The following SLIT3 variants were observed in gnomAD, a reference collection of about 807,000 sequenced individuals.
SLIT3 encodes slit guidance ligand 3, also known as slit homolog 3 protein.
A neutral mutation model predicts 184.0 loss-of-function variants in SLIT3; 68 were observed. The ratio of observed to expected loss-of-function variants is 0.37; its 90% CI spans 0.30 to 0.45. The LOEUF (loss-of-function observed/expected upper bound fraction) is 0.45. Ranked by LOEUF, SLIT3 falls within the 20% of genes least tolerant of loss-of-function variation. The probability of loss-of-function intolerance (pLI) is 1.00; values close to 1 mark genes in which losing one functional copy is unlikely to be tolerated. For synonymous variants in SLIT3, 831 were observed against 828.6 expected, an observed-to-expected ratio of 1.00 and a Z score of -0.05; for missense variants, 1,707 against 2,026.0, an observed-to-expected ratio of 0.84 and a Z score of 3.02.
At chr5:168,920,421 C>T (rs1761597551) in intron 4 of SLIT3, among the ~76,000 whole-genome samples, 2 of 152,136 alleles carry the variant, frequency 1.3e-5, no homozygotes. Flanking sequence ...GCCACACACA[C>T]CTGGGCTAAT....
chr5:169,187,711 G>A (rs542513333), intron 4 of SLIT3, among the ~76,000 whole-genome samples: 6 of 151,614 alleles, frequency 4.0e-5, no homozygotes, highest in African/African-American at 7.3e-5. Context: ...GCACCACCAC[G>A]CCCAGCTAAT....
chr5:169,259,830 G>A (rs1415129179), intron 1 of SLIT3, among the ~76,000 whole-genome samples: 1 of 150,860 alleles, frequency 6.6e-6, no homozygotes, highest in South Asian at 2.1e-4. Flanking sequence ...AATATAGCTT[G>A]GTCCTTGTTT....
At chr5:168,742,180 G>A (rs1001337076) in intron 20 of SLIT3, among the ~76,000 whole-genome samples, 7 of 131,986 alleles carry the variant, frequency 5.3e-5, no homozygotes, top group Non-Finnish European at 9.5e-5. Flanking sequence ...GGGGGCAGGA[G>A]TGGGAAGAGA....
At chr5:169,186,532 C>G (rs1314917708) in intron 4 of SLIT3, among the ~76,000 whole-genome samples, 1 of 152,126 alleles carries the variant, frequency 6.6e-6, no homozygotes, top group Non-Finnish European at 1.5e-5. Context: ...CTAACCAACA[C>G]AAGACTGAAA....
At chr5:169,238,076 T>C (rs1765263125) in intron 3 of SLIT3, among the ~76,000 whole-genome samples, 1 of 152,218 alleles carries the variant, frequency 6.6e-6, no homozygotes. Flanking sequence ...TGTGTGTGTC[T>C]ATTTTTTCAC....
chr5:168,672,930 C>T (rs10064825), intron 33 of SLIT3, among the ~76,000 whole-genome samples: 5,776 of 152,268 alleles, frequency 0.038, 369 homozygotes, highest in African/African-American at 0.13. Context: ...CCTGCCTCCC[C>T]CTTCTCACCC....
chr5:168,900,537 C>T (rs1300348320), intron 4 of SLIT3, among the ~76,000 whole-genome samples: 1 of 152,150 alleles, frequency 6.6e-6, no homozygotes, highest in Non-Finnish European at 1.5e-5. Context: ...ATTGCTTGAA[C>T]CTGGGAGGCG....
At chr5:169,151,881 C>T (rs1220575370) in intron 4 of SLIT3, among the ~76,000 whole-genome samples, 1 of 152,202 alleles carries the variant, frequency 6.6e-6, no homozygotes, top group Non-Finnish European at 1.5e-5. Flanking sequence ...CTGCCTCTTA[C>T]AAGCTGAGCA....
chr5:168,997,006 G>T, intron 4 of SLIT3, among the ~76,000 whole-genome samples: 1 of 152,156 alleles, frequency 6.6e-6, no homozygotes, highest in East Asian at 1.9e-4. Flanking sequence ...CCTCACAGCT[G>T]TCAGGCCGGG....
At chr5:168,868,896 C>G (rs1759411063) in intron 5 of SLIT3, among the ~76,000 whole-genome samples, 1 of 152,038 alleles carries the variant, frequency 6.6e-6, no homozygotes, top group East Asian at 1.9e-4. Context: ...GCTAGCAAAA[C>G]AGAAAGAGAA....
chr5:168,863,774 CAT>C (rs1244293315), intron 5 of SLIT3, among the ~76,000 whole-genome samples: 3 of 152,140 alleles, frequency 2.0e-5, no homozygotes, highest in Admixed American at 1.3e-4. Flanking sequence ...AATATATGCA[CAT>C]GACAAAAGAA....
intron 4 of SLIT3, among the ~76,000 whole-genome samples, chr5:169,025,789 C>A (rs1385571351): frequency 2.0e-5 from 3 of 152,158 alleles, no homozygotes; most frequent in African/African-American, 7.2e-5. Flanking sequence ...AAAAAAAAGT[C>A]TAAATCTAAA....
rs1464224355 is a variant in SLIT3 at position 168,753,738 on chromosome 5, G to C, written c.1829+126C>G. 14 of 1,141,286 alleles carry C rather than the reference G, an allele frequency of 1.2e-5. No homozygotes were observed. The East Asian group carries it at 3.3e-4, about 27-fold the overall frequency. The allele number at this position is 1,141,286 out of a possible 1,614,324, so 70.7% of individuals were successfully genotyped here. On this transcript the variant is annotated intron_variant, in intron 17 of 35. Transcript: ENST00000519560. The stretch of plus-strand genomic sequence containing the variant: ...AGAATGTCTGATGACTCTGACTCCA[G>C]GAAGAGAGGGATTCAGCAGGCCAAG...
chr5:169,163,858 T>TA (rs781213561), intron 4 of SLIT3, among the ~76,000 whole-genome samples: 5 of 152,178 alleles, frequency 3.3e-5, no homozygotes, highest in Admixed American at 6.5e-5. Context: ...AGTTTTTCTA[T>TA]AAAACTCACC....
intron 3 of SLIT3, among the ~76,000 whole-genome samples, chr5:169,224,380 T>G (rs964376114): frequency 3.7e-4 from 38 of 102,598 alleles, no homozygotes; most frequent in Non-Finnish European, 7.1e-4. Context: ...TTTATTTATT[T>G]ATTTATTTTT....
Position 168,932,347 on chromosome 5 carries a change from GACACACACACACACACAC to G in SLIT3, c.414-49029_414-49012del, listed in dbSNP as rs375350401. On this transcript the variant is annotated intron_variant, in intron 4 of 35. Coordinates refer to ENST00000519560, the MANE Select transcript of SLIT3 (RefSeq NM_003062.4). ...AAGAGGAAAGGGAAGAGGGGAAAAA[GACACACACACACACACAC>G]ACACACACACACACACACACACACA... is the stretch of plus-strand genomic sequence containing the variant. 6.9e-4 allele frequency among the ~76,000 whole-genome samples: 90 copies of G among 131,148 alleles called. 2 individuals are homozygous for G. The highest frequency in any genetic ancestry group is 4.2e-4 in the African/African-American group (15 of 35,446). The allele number at this position is 131,148 out of a possible 152,430, so 86.0% of individuals were successfully genotyped here.
intron 4 of SLIT3, among the ~76,000 whole-genome samples, chr5:168,970,274 T>A (rs1176427564): frequency 4.6e-5 from 7 of 151,962 alleles, no homozygotes; most frequent in African/African-American, 1.5e-4. Flanking sequence ...GGCAGGCGGA[T>A]CACCTGAAGT....
At chr5:169,273,278 G>A (rs370530142) in intron 1 of SLIT3, among the ~76,000 whole-genome samples, 7 of 152,188 alleles carry the variant, frequency 4.6e-5, no homozygotes, top group East Asian at 3.9e-4. Flanking sequence ...AAGTACCTCT[G>A]GCTTTGCCAA....
intron 5 of SLIT3, among the ~76,000 whole-genome samples, chr5:168,855,062 G>A (rs1758813897): frequency 6.6e-6 from 1 of 152,116 alleles, no homozygotes; most frequent in Non-Finnish European, 1.5e-5. Flanking sequence ...GAACTTATCA[G>A]CAACAGGAGA....
Sources: gnomAD v4.1 joint callset for allele counts (sites outside exome capture counted in the v4.1 genomes callset) on GRCh38, gnomAD v4.1.1 for gene constraint, MANE v1.5 for transcripts, NCBI Gene and HGNC (gene_info 2026-07-23, HGNC 2026-07-21) for gene names.